Variants in GPC5 observed in about 807,000 individuals in gnomAD.
GPC5 encodes the protein glypican 5, also known as glypican-5.
A neutral mutation model predicts 53.9 loss-of-function variants in GPC5; 47 were observed. That is an observed-to-expected ratio of 0.87 (90% CI 0.69 to 1.11). The LOEUF (loss-of-function observed/expected upper bound fraction) is 1.11. Among genes scored for constraint, GPC5 ranks in the 50% most tolerant of loss-of-function variants. The pLI, the probability that GPC5 is intolerant of heterozygous loss-of-function variation, is 0.00. For synonymous variants in GPC5, 286 were observed against 263.3 expected, an observed-to-expected ratio of 1.09 and a Z score of -0.84; for missense variants, 748 against 713.1, an observed-to-expected ratio of 1.05 and a Z score of -0.56.
chr13:91,872,464 T>G (rs1240098704), intron 5 of GPC5, among the ~76,000 whole-genome samples: 1 of 152,174 alleles, frequency 6.6e-6, no homozygotes, highest in Non-Finnish European at 1.5e-5. Flanking sequence ...GGAAACATAT[T>G]CATATGTTGT....
chr13:92,852,412 T>C (rs1027918988), intron 7 of GPC5, among the ~76,000 whole-genome samples: 1 of 152,180 alleles, frequency 6.6e-6, no homozygotes. Context: ...TCAAATCACT[T>C]ATGTCAAGCC....
At chr13:91,631,069 C>G (rs971777070) in intron 2 of GPC5, among the ~76,000 whole-genome samples, 2 of 152,058 alleles carry the variant, frequency 1.3e-5, no homozygotes, top group Non-Finnish European at 2.9e-5. Context: ...ATTGGAATCA[C>G]TGAAATTCAT....
chr13:91,552,933 C>T (rs2051830538), intron 2 of GPC5, among the ~76,000 whole-genome samples: 1 of 152,078 alleles, frequency 6.6e-6, no homozygotes, highest in Admixed American at 6.6e-5. Context: ...TTTACCATCT[C>T]CAAAACCAGA....
At chr13:91,511,523 T>C (rs868434652) in intron 2 of GPC5, among the ~76,000 whole-genome samples, 1 of 152,148 alleles carries the variant, frequency 6.6e-6, no homozygotes, top group Admixed American at 6.5e-5. Flanking sequence ...AACCTCAGGC[T>C]TTGCTCATCT....
At chr13:91,887,032 T>G (rs1386158860) in intron 5 of GPC5, among the ~76,000 whole-genome samples, 5 of 152,148 alleles carry the variant, frequency 3.3e-5, no homozygotes, top group African/African-American at 1.2e-4. Flanking sequence ...TTCCCTTCTT[T>G]ACTACCCTAG....
intron 7 of GPC5, among the ~76,000 whole-genome samples, chr13:92,849,695 C>T (rs1477965474): frequency 1.3e-5 from 2 of 152,068 alleles, no homozygotes; most frequent in Non-Finnish European, 2.9e-5. Context: ...GAATGATATG[C>T]ATATGGGTTC....
chr13:91,629,069 C>G (rs1044908146), intron 2 of GPC5, among the ~76,000 whole-genome samples: 2 of 152,156 alleles, frequency 1.3e-5, no homozygotes, highest in Non-Finnish European at 2.9e-5. Flanking sequence ...GCTTCTGCCA[C>G]ATGGAAGGAG....
At chr13:92,409,324 T>C (rs2139347041) in intron 7 of GPC5, among the ~76,000 whole-genome samples, 1 of 151,890 alleles carries the variant, frequency 6.6e-6, no homozygotes, top group African/African-American at 2.4e-5. Context: ...GAAAATATTT[T>C]TAATAAATAT....
intron 7 of GPC5, among the ~76,000 whole-genome samples, chr13:92,605,071 T>G (rs1884207879): frequency 6.6e-6 from 1 of 152,210 alleles, no homozygotes; most frequent in Non-Finnish European, 1.5e-5. Context: ...GTGAACACTA[T>G]GCAATCTTGA....
intron 7 of GPC5, among the ~76,000 whole-genome samples, chr13:92,284,982 T>G (rs779940721): frequency 1.3e-5 from 2 of 152,152 alleles, no homozygotes; most frequent in Non-Finnish European, 2.9e-5. Flanking sequence ...TGATTGTATA[T>G]CTAGATAACC....
intron 6 of GPC5, among the ~76,000 whole-genome samples, chr13:91,911,650 A>G (rs571575587): frequency 1.6e-4 from 25 of 152,308 alleles, no homozygotes; most frequent in Non-Finnish European, 2.6e-4. Context: ...TGAAAAATGG[A>G]CCCTGCATGC....
intron 6 of GPC5, among the ~76,000 whole-genome samples, chr13:92,017,096 T>C (rs1184606919): frequency 6.6e-6 from 1 of 152,074 alleles, no homozygotes; most frequent in African/African-American, 2.4e-5. Flanking sequence ...TGTGGTGGCG[T>C]GGTGGAGTTG....
intron 6 of GPC5, among the ~76,000 whole-genome samples, chr13:92,043,198 A>T (rs1021015949): frequency 6.6e-6 from 1 of 152,216 alleles, no homozygotes; most frequent in African/African-American, 2.4e-5. Context: ...AGACAGAAAA[A>T]ATATTGAAGA....
chr13:92,074,583 T>G (rs1201549280), intron 6 of GPC5, among the ~76,000 whole-genome samples: 5 of 152,208 alleles, frequency 3.3e-5, no homozygotes, highest in Non-Finnish European at 5.9e-5. Flanking sequence ...TATGTCACAC[T>G]GTGATAAAGA....
At chr13:92,652,421 C>G (rs1885988290) in intron 7 of GPC5, among the ~76,000 whole-genome samples, 1 of 151,816 alleles carries the variant, frequency 6.6e-6, no homozygotes, top group African/African-American at 2.4e-5. Flanking sequence ...TTTTTTCTGC[C>G]AAATTTCCTG....
intron 6 of GPC5, among the ~76,000 whole-genome samples, chr13:91,948,618 A>G (rs2039998055): frequency 6.6e-6 from 1 of 152,318 alleles, no homozygotes; most frequent in South Asian, 2.1e-4. Flanking sequence ...AAAATACCCC[A>G]TGAGTTCATA....
At chr13:92,158,510 T>C (rs1201752411) in intron 7 of GPC5, among the ~76,000 whole-genome samples, 1 of 152,106 alleles carries the variant, frequency 6.6e-6, no homozygotes, top group Non-Finnish European at 1.5e-5. Context: ...TTGTTCCTTT[T>C]TTTTTTTCTT....
At chr13:92,252,301 C>T (rs989210797) in intron 7 of GPC5, among the ~76,000 whole-genome samples, 1 of 151,936 alleles carries the variant, frequency 6.6e-6, no homozygotes, top group Admixed American at 6.6e-5. Flanking sequence ...TTTTGGTTAA[C>T]TGATGTTTAG....
intron 7 of GPC5, among the ~76,000 whole-genome samples, chr13:92,755,563 C>G (rs898393665): frequency 6.7e-6 from 1 of 150,352 alleles, no homozygotes; most frequent in African/African-American, 2.4e-5. Flanking sequence ...AAAGGATCAA[C>G]AAAATAGATA....
Sources: gnomAD v4.1 joint callset for allele counts (sites outside exome capture counted in the v4.1 genomes callset) on GRCh38, gnomAD v4.1.1 for gene constraint, MANE v1.5 for transcripts, NCBI Gene and HGNC (gene_info 2026-07-23, HGNC 2026-07-21) for gene names.